ITPR2: variants seen among roughly 807,000 people sequenced by gnomAD.
ITPR2 encodes inositol 1,4,5-trisphosphate-gated calcium channel ITPR2.
Under a neutral mutation model 317.1 loss-of-function variants are expected in ITPR2, and 207 were observed. The ratio of observed to expected loss-of-function variants is 0.65; its 90% confidence interval spans 0.58 to 0.73. ITPR2 has a LOEUF of 0.73. Among genes scored for constraint, ITPR2 ranks in the 30% least tolerant of loss-of-function variants. The pLI is 0.00. For synonymous variants in ITPR2, 1,156 were observed against 1,149.1 expected, an observed-to-expected ratio of 1.01 and a Z score of -0.12; for missense variants, 2,613 against 3,284.0, an observed-to-expected ratio of 0.80 and a Z score of 4.99.
intron 10 of ITPR2, among the ~76,000 whole-genome samples, chr12:26,687,808 G>A (rs80067252): frequency 0.02 from 3,105 of 152,224 alleles, 52 homozygotes; most frequent in South Asian, 0.065. Flanking sequence ...GGTAGCTCCC[G>A]TCATCTTTGA....
intron 37 of ITPR2, among the ~76,000 whole-genome samples, chr12:26,510,894 C>CTT (rs1943327870): frequency 6.6e-6 from 1 of 152,128 alleles, no homozygotes; most frequent in Admixed American, 6.5e-5. Flanking sequence ...ATAAAGACAG[C>CTT]TTTTTGAAAA....
chr12:26,386,804 A>G (rs1939679438), intron 55 of ITPR2, among the ~76,000 whole-genome samples: 1 of 152,180 alleles, frequency 6.6e-6, no homozygotes, highest in East Asian at 1.9e-4. Context: ...TTTCGGGCCA[A>G]TTTGTTTTAA....
chr12:26,803,944 C>T (rs1023535163), intron 1 of ITPR2, among the ~76,000 whole-genome samples: 4 of 152,122 alleles, frequency 2.6e-5, no homozygotes, highest in Non-Finnish European at 5.9e-5. Context: ...GGCTGTAAAT[C>T]TGATCATTAC....
intron 1 of ITPR2, among the ~76,000 whole-genome samples, chr12:26,812,988 T>C (rs979355604): frequency 6.6e-6 from 1 of 152,244 alleles, no homozygotes. Flanking sequence ...GAGTTTTAAA[T>C]ACTTAAAACA....
intron 54 of ITPR2, among the ~76,000 whole-genome samples, chr12:26,394,945 A>G (rs1049577244): frequency 6.6e-6 from 1 of 152,154 alleles, no homozygotes; most frequent in Non-Finnish European, 1.5e-5. Flanking sequence ...GATATTACTA[A>G]TAGCAATATG....
chr12:26,436,607 A>C (rs779222715), intron 47 of ITPR2, among the ~76,000 whole-genome samples: 1 of 152,210 alleles, frequency 6.6e-6, no homozygotes, highest in Non-Finnish European at 1.5e-5. Context: ...GCAATTGCTA[A>C]AGGTGGTCAG....
At chr12:26,420,066 C>A (rs1280085820) in intron 49 of ITPR2, among the ~76,000 whole-genome samples, 1 of 152,094 alleles carries the variant, frequency 6.6e-6, no homozygotes, top group Non-Finnish European at 1.5e-5. Flanking sequence ...CCTTTTGTGG[C>A]ATAATTTTGG....
intron 1 of ITPR2, among the ~76,000 whole-genome samples, chr12:26,820,456 G>A (rs1361382690): frequency 2.0e-5 from 3 of 151,986 alleles, no homozygotes; most frequent in Non-Finnish European, 2.9e-5. Flanking sequence ...ACAGTCTATC[G>A]GGGTAGACAG....
intron 8 of ITPR2, among the ~76,000 whole-genome samples, chr12:26,712,106 C>A (rs1948654289): frequency 6.6e-6 from 1 of 152,144 alleles, no homozygotes; most frequent in African/African-American, 2.4e-5. Context: ...GCATGTGAGT[C>A]TCAGGTCCAC....
intron 46 of ITPR2, 101 bp from the exon 47 acceptor site, chr12:26,439,420 C>G: frequency 1.2e-6 from 1 of 832,942 alleles, no homozygotes; most frequent in Non-Finnish European, 1.8e-6. Context: ...TTTATGAATT[C>G]AGTTGTGAAA....
intron 21 of ITPR2, among the ~76,000 whole-genome samples, chr12:26,637,390 G>A (rs1276680481): frequency 6.6e-6 from 1 of 152,064 alleles, no homozygotes; most frequent in Non-Finnish European, 1.5e-5. Context: ...TTTTAACTGG[G>A]AAATTATCTT....
intron 32 of ITPR2, among the ~76,000 whole-genome samples, chr12:26,590,789 A>G (rs1425508535): frequency 6.6e-6 from 1 of 152,156 alleles, no homozygotes; most frequent in Non-Finnish European, 1.5e-5. Context: ...GTTAAGTTAA[A>G]AGGCTTCAGG....
intron 2 of ITPR2, among the ~76,000 whole-genome samples, chr12:26,755,416 G>A (rs956786255): frequency 3.9e-5 from 6 of 152,164 alleles, no homozygotes; most frequent in South Asian, 4.1e-4. Flanking sequence ...CAAGCAAAAC[G>A]AATTAACTGA....
At chr12:26,596,693 T>C (rs1591943813) in intron 31 of ITPR2, among the ~76,000 whole-genome samples, 190 bp downstream of exon 31, 1 of 151,412 alleles carries the variant, frequency 6.6e-6, no homozygotes, top group Admixed American at 6.6e-5. Flanking sequence ...GAACTTCTTA[T>C]AGAACTTCTT....
intron 21 of ITPR2, among the ~76,000 whole-genome samples, chr12:26,634,775 C>G (rs1417393032): frequency 6.7e-6 from 1 of 150,180 alleles, no homozygotes; most frequent in Non-Finnish European, 1.5e-5. Flanking sequence ...ATTTCAGCTA[C>G]TCGGGAGGCT....
At chr12:26,788,436 T>C (rs1397800023) in intron 2 of ITPR2, among the ~76,000 whole-genome samples, 1 of 152,182 alleles carries the variant, frequency 6.6e-6, no homozygotes, top group African/African-American at 2.4e-5. Flanking sequence ...CCTCATGCTT[T>C]TTCCTGCTAC....
chr12:26,525,973 T>C (rs78717332), intron 37 of ITPR2, among the ~76,000 whole-genome samples: 4,839 of 152,298 alleles, frequency 0.032, 84 homozygotes, highest in Middle Eastern at 0.068. Context: ...CTCCAGTCCT[T>C]TGAGCAGCAC....
chr12:26,622,271 T>C lies in ITPR2; in HGVS notation c.3257A>G (p.Gln1086Arg). 1 of 1,613,668 alleles carries C rather than the reference T, an allele frequency of 6.2e-7. No individual in the cohort carries two copies. Among genetic ancestry groups the C allele is most frequent in the Non-Finnish European group, 8.5e-7 (1 of 1,179,810 alleles). The change falls in exon 25 of 57, where the codon CAG becomes CGG. Residue 1086 changes from glutamine (Q) to arginine (R), a missense_variant. Coordinates refer to ENST00000381340, the MANE Select transcript of ITPR2 (RefSeq NM_002223.4). ...AAATGCCTGTAAAACCTCTGCCCTC[T>C]GGCTGAAGTGCTTAAACAACAGCTG... ...ALQLLFKHFS[Q>R]RAEVLQAFKQ...
chr12:26,662,554 T>C (rs570540837), intron 15 of ITPR2, among the ~76,000 whole-genome samples: 19 of 152,348 alleles, frequency 1.2e-4, no homozygotes, highest in Non-Finnish European at 2.5e-4. Context: ...CTTACAGTGA[T>C]GCACTCTGCC....
Sources: gnomAD v4.1 joint callset for allele counts (sites outside exome capture counted in the v4.1 genomes callset) on GRCh38, gnomAD v4.1.1 for gene constraint, MANE v1.5 for transcripts, NCBI Gene and HGNC (gene_info 2026-07-23, HGNC 2026-07-21) for gene names.